The following CROCC variants were observed in gnomAD, a reference collection of about 807,000 sequenced individuals.
The protein encoded by CROCC is rootletin.
CROCC carries 180 observed loss-of-function variants against 245.2 expected under a neutral mutation model. The observed-to-expected ratio is 0.73, with a 90% CI of 0.65 to 0.83. The LOEUF (loss-of-function observed/expected upper bound fraction) is 0.83. Ranked by LOEUF, CROCC falls within the 40% of genes least tolerant of loss-of-function variation. CROCC has a pLI of 0.00. For synonymous variants in CROCC, 1,205 were observed against 1,241.6 expected, an observed-to-expected ratio of 0.97 and a Z score of 0.62; for missense variants, 2,688 against 2,779.4, an observed-to-expected ratio of 0.97 and a Z score of 0.74.
Position 16,946,864 on chromosome 1 carries a change from A to G in CROCC, c.2387A>G (p.Glu796Gly), listed in dbSNP as rs1276344869. The G allele has an allele frequency of 6.4e-7, 1 of 1,557,686 alleles. No individual in the cohort carries two copies. The highest frequency in any genetic ancestry group is 2.4e-5 in the East Asian group (1 of 41,634). Reference sequence around the variant, plus strand: ...GAACGGCTAGAGGAGCTGCGGTTGGAGCAGGAGGTGGCGCGGCAGGGCCTG... The same window carrying G: ...GAACGGCTAGAGGAGCTGCGGTTGGGGCAGGAGGTGGCGCGGCAGGGCCTG... The part of the protein sequence containing the change: ...EQERLEELRL[E>G]QEVARQGLEG... The change falls in exon 17 of 37, where the codon GAG (glutamate) becomes GGG (glycine). Residue 796 changes from glutamate to glycine, a missense_variant. Coordinates refer to ENST00000375541, the MANE Select transcript of CROCC (RefSeq NM_014675.5).
chr1:16,946,556 C>A, intron 16 of CROCC, 151 bp downstream of exon 16: 1 of 1,284,254 alleles, frequency 7.8e-7, no homozygotes, highest in Admixed American at 2.2e-5. Context: ...GTCTGTCTGT[C>A]TATCCCCTCT....
upstream of CROCC, among the ~76,000 whole-genome samples, chr1:16,918,740 T>TTTG (rs1553149654): frequency 4.7e-5 from 7 of 147,484 alleles, no homozygotes; most frequent in Non-Finnish European, 7.5e-5. Context: ...AGTTTTTTGT[T>TTTG]TTTGTTTTTT....
intron 3 of CROCC, among the ~76,000 whole-genome samples, chr1:16,928,866 G>A (rs1352104649): frequency 5.3e-5 from 8 of 152,190 alleles, no homozygotes; most frequent in South Asian, 2.1e-4. Flanking sequence ...TTGCTCTGTC[G>A]CCCAGGCTGG....
At chr1:16,936,505 G>C (rs537335596) in intron 8 of CROCC, 132 bp from the exon 9 acceptor site, 2 of 904,256 alleles carry the variant, frequency 2.2e-6, no homozygotes, top group East Asian at 5.3e-5. Flanking sequence ...CTGACCTCAC[G>C]TGATCTGCCC....
At position 16,929,092 on chromosome 1, in the gene CROCC, G is replaced by T. The variant is rs565034951; in HGVS notation, c.352-754G>T. Reference sequence around the variant, plus strand: ...TCTACCCGCCTTGACCTCCAAAAGTGCTGGGATCACAGGCATGAGCCACTG... The same window carrying T: ...TCTACCCGCCTTGACCTCCAAAAGTTCTGGGATCACAGGCATGAGCCACTG... On this transcript the variant is annotated intron_variant, in intron 3 of 36. Coordinates refer to ENST00000375541, the MANE Select transcript of CROCC (RefSeq NM_014675.5). Among the ~76,000 whole-genome samples, 17 of 152,372 alleles carry T rather than the reference G, an allele frequency of 1.1e-4. No individual in the cohort carries two copies. The East Asian group carries it at 3.3e-3, about 29-fold the overall frequency.
In CROCC at chr1:16,922,760, A is replaced by C; in HGVS notation, c.158A>C (p.Glu53Ala). 6.2e-7 allele frequency: 1 copy of C among 1,613,902 alleles called. No homozygotes were observed. The highest frequency in any genetic ancestry group is 8.5e-7 in the Non-Finnish European group (1 of 1,179,994). The change falls in exon 2 of 37, where the codon GAG becomes GCG. Residue 53 changes from glutamate to alanine, a missense_variant. Physicochemically the swap from Glu to Ala is moderately radical, Grantham distance 107 (BLOSUM62 -1). Around this residue, in one of 9 missense-constraint regions of CROCC, gnomAD observed 972 missense variants for 895.3 expected, o/e 1.09. Coordinates refer to ENST00000375541, the MANE Select transcript of CROCC (RefSeq NM_014675.5). ...QITSLPALIREIVTRNLSQPE... is the reference protein window; with the variant it reads ...QITSLPALIRAIVTRNLSQPE... ...ACCAGCCTGCCTGCCCTTATCAGGGAGATTGTCACCCGCAACCTCTCCCAG... is the reference window on the plus strand; with the variant it reads ...ACCAGCCTGCCTGCCCTTATCAGGGCGATTGTCACCCGCAACCTCTCCCAG...
chr1:16,959,376 A>C (rs2076295100), intron 26 of CROCC, among the ~76,000 whole-genome samples: 1 of 152,144 alleles, frequency 6.6e-6, no homozygotes, highest in Admixed American at 6.6e-5. Context: ...GATCTACCCA[A>C]GGTCACACAG....
At chr1:16,962,065 C>CTTTTTT (rs200970286) in intron 27 of CROCC, among the ~76,000 whole-genome samples, 1 of 148,582 alleles carries the variant, frequency 6.7e-6, no homozygotes. Context: ...TTTAATTATT[C>CTTTTTT]TTTTTGTTTT....
At chr1:16,959,040 T>C (rs1053368157) in intron 26 of CROCC, among the ~76,000 whole-genome samples, 4 of 152,164 alleles carry the variant, frequency 2.6e-5, no homozygotes, top group Admixed American at 1.3e-4. Context: ...TTATTTATTT[T>C]GAAATGGAGT....
chr1:16,960,712 G>C, intron 26 of CROCC, 46 bp from the exon 27 acceptor site: 1 of 1,447,682 alleles, frequency 6.9e-7, no homozygotes, highest in South Asian at 1.4e-5. Flanking sequence ...TGGGGCGTCG[G>C]GTTGGGAGAG....
rs759560114 is a variant in CROCC, at chr1:16,966,020, A to G, written c.4597A>G (p.Ser1533Gly). 2 of 1,613,816 alleles carry G rather than the reference A, an allele frequency of 1.2e-6. No individual in the cohort carries two copies. The highest frequency in any genetic ancestry group is 4.5e-5 in the East Asian group (2 of 44,878). The change falls in exon 29 of 37, where the codon AGT becomes GGT. Residue 1533 changes from serine (S) to glycine (G), a missense_variant. Transcript: ENST00000375541. The surrounding 1 kb of genome is among the most constrained non-coding windows in gnomAD (Gnocchi z 4.8). ...ACAGGACGAACTTCGGACCCAGACC[A>G]GTGCCCTGAATCGCCAGCTGGCCGA... ...RERDELRTQT[S>G]ALNRQLAEME...
rs1198488303 is a variant in CROCC at position 16,966,383 on chromosome 1, C to T, written c.4697-25C>T. The stretch of plus-strand genomic sequence containing the variant: ...GTCTCGGGGCTGTGCTTGGCCATGC[C>T]TGACGGGGTGGGTGGTGGCTACAGC... On this transcript the variant is annotated intron_variant, in intron 29 of 36. Transcript: ENST00000375541. This position sits in a 1 kb window ranked among gnomAD's most constrained non-coding sequence, Gnocchi z 4.8. 1 of 1,504,152 alleles carries T rather than the reference C, an allele frequency of 6.6e-7. No individual in the cohort carries two copies. The highest frequency in any genetic ancestry group is 2.5e-5 in the East Asian group (1 of 40,598). The allele number at this position is 1,504,152 out of a possible 1,614,324, so 93.2% of individuals were successfully genotyped here.
rs2075285251 is a variant in CROCC, at chr1:16,914,759, C to T, written n.126-15527C>T. 2.6e-5 allele frequency among the ~76,000 whole-genome samples: 4 copies of T among 152,180 alleles called. No homozygotes were observed. In the South Asian group the frequency reaches 8.3e-4, roughly 31 times the overall value. ...GTGGGCATTTTGAACGAGCTCCCTC[C>T]TGATTTTCACACAGACTTAAGCCTG... On this transcript the variant is annotated intron_variant and non_coding_transcript_variant, in intron 1 of 8. Transcript: ENST00000466256.
intron 8 of CROCC, 59 bp downstream of exon 8, chr1:16,931,456 A>G (rs1359771174): frequency 4.8e-6 from 7 of 1,466,938 alleles, no homozygotes; most frequent in Non-Finnish European, 6.7e-6. Context: ...TTTATGTCCA[A>G]CTGAACTCAG....
intron 3 of CROCC, among the ~76,000 whole-genome samples, chr1:16,927,925 G>T (rs1436150799): frequency 1.7e-4 from 26 of 152,294 alleles, no homozygotes; most frequent in Non-Finnish European, 2.4e-4. Context: ...TATTGGTGGG[G>T]CTGCCATGCA....
chr1:16,914,737 G>C, intron 1 of CROCC, among the ~76,000 whole-genome samples: 1 of 43,016 alleles, frequency 2.3e-5, no homozygotes, highest in Non-Finnish European at 6.4e-5. Flanking sequence ...CTCTGGAGTG[G>C]GCATTTTGAA....
chr1:16,941,935 C>G (rs1157061083), intron 13 of CROCC, among the ~76,000 whole-genome samples: 1 of 152,248 alleles, frequency 6.6e-6, no homozygotes, highest in Non-Finnish European at 1.5e-5. Context: ...CTCCTGGCCT[C>G]AAGTGATTCC....
intron 12 of CROCC, among the ~76,000 whole-genome samples, chr1:16,939,371 C>T (rs997560661): frequency 2.0e-5 from 3 of 152,168 alleles, no homozygotes; most frequent in Non-Finnish European, 2.9e-5. Flanking sequence ...AGTGGGGGTG[C>T]TTGGGCAGCT....
chr1:16,922,882 T>C (rs2075441223), intron 2 of CROCC, 84 bp downstream of exon 2: 1 of 1,526,944 alleles, frequency 6.5e-7, no homozygotes, highest in Non-Finnish European at 8.8e-7. Context: ...GTCACCATGA[T>C]GATCATGACT....
Sources: allele counts gnomAD v4.1 joint callset (sites outside exome capture counted in the v4.1 genomes callset), GRCh38; gene constraint gnomAD v4.1.1; regional missense constraint gnomAD v4.1.1; non-coding constraint Gnocchi (gnomAD v3.1); transcripts MANE v1.5; gene names NCBI Gene and HGNC (gene_info 2026-07-23, HGNC 2026-07-21).